The following CDH2 variants were observed in gnomAD, a reference collection of about 807,000 sequenced individuals.
CDH2 encodes the protein cadherin 2, also known as cadherin-2.
CDH2 carries 17 observed loss-of-function variants against 92.0 expected under a neutral mutation model. That is an observed-to-expected ratio of 0.18 (90% CI 0.13 to 0.28). The LOEUF is 0.28. Among genes scored for constraint, CDH2 ranks in the 10% least tolerant of loss-of-function variants. The pLI, the probability that CDH2 is intolerant of heterozygous loss-of-function variation, is 1.00. For missense variants in CDH2, 862 were observed against 1,133.1 expected, an observed-to-expected ratio of 0.76 and a Z score of 3.44; for synonymous variants, 419 against 415.9, an observed-to-expected ratio of 1.01 and a Z score of -0.09.
At chr18:28,098,718 A>C (rs958523007) in intron 2 of CDH2, among the ~76,000 whole-genome samples, 14 of 152,138 alleles carry the variant, frequency 9.2e-5, no homozygotes, top group Non-Finnish European at 2.9e-5. Context: ...CATGATATTA[A>C]GTAGGCTGCA....
At chr18:28,136,935 T>G (rs2015872904) in intron 2 of CDH2, among the ~76,000 whole-genome samples, 1 of 152,144 alleles carries the variant, frequency 6.6e-6, no homozygotes, top group Admixed American at 6.6e-5. Context: ...AGAATAACTC[T>G]TAAGAACTCT....
intron 1 of CDH2, among the ~76,000 whole-genome samples, chr18:28,173,832 T>C (rs2016498515): frequency 6.6e-6 from 1 of 152,194 alleles, no homozygotes; most frequent in African/African-American, 2.4e-5. Flanking sequence ...TTCTTAACAA[T>C]AAACCTATGT....
intron 2 of CDH2, among the ~76,000 whole-genome samples, chr18:28,030,765 T>C (rs2013674420): frequency 6.6e-6 from 1 of 151,978 alleles, no homozygotes. Flanking sequence ...ACAAAAATCT[T>C]ATTCATAGTG....
chr18:27,992,604 G>C (rs2012452296), intron 9 of CDH2, 51 bp downstream of exon 9: 3 of 1,454,950 alleles, frequency 2.1e-6, no homozygotes, highest in Non-Finnish European at 2.8e-6. Context: ...GACATATATT[G>C]GTCCTTGCTG....
Position 27,985,036 on chromosome 18 carries a change from T to C in CDH2, c.2173A>G (p.Ile725Val), listed in dbSNP as rs1439874798. ...IVGAGLGTGA[I>V]IAILLCIIIL... ...ATGATGCAGAGCAGGATGGCAATGA[T>C]GGCACCGGTGCCAAGCCCCGCACCC... Residue 725 changes from isoleucine (I) to valine (V), a missense_variant, in exon 13 of 16, where the codon ATC becomes GTC. Coordinates refer to ENST00000269141, the MANE Select transcript of CDH2 (RefSeq NM_001792.5). 2 of 1,613,992 alleles carry C rather than the reference T, an allele frequency of 1.2e-6. No individual in the cohort carries two copies. The highest frequency in any genetic ancestry group is 1.3e-5 in the African/African-American group (1 of 74,924).
At chr18:27,937,891 T>C (rs1160648637) in intron 6 of CDH2, among the ~76,000 whole-genome samples, 1 of 151,692 alleles carries the variant, frequency 6.6e-6, no homozygotes, top group Non-Finnish European at 1.5e-5. Flanking sequence ...CACCAAAATA[T>C]TTTTTTAACT....
chr18:28,011,496 A>C (rs2013097826), intron 4 of CDH2, among the ~76,000 whole-genome samples: 1 of 152,208 alleles, frequency 6.6e-6, no homozygotes, highest in Admixed American at 6.5e-5. Flanking sequence ...ATCATCACAG[A>C]GAGCCCAGCT....
chr18:28,169,143 T>C (rs1428478117), intron 1 of CDH2, among the ~76,000 whole-genome samples: 1 of 152,136 alleles, frequency 6.6e-6, no homozygotes, highest in Non-Finnish European at 1.5e-5. Context: ...AGACATTGGC[T>C]TGAAAAACTC....
At chr18:28,057,540 C>A (rs2014315637) in intron 2 of CDH2, among the ~76,000 whole-genome samples, 1 of 151,944 alleles carries the variant, frequency 6.6e-6, no homozygotes, top group African/African-American at 2.4e-5. Context: ...TGGTGGTGTG[C>A]ACCTGTAATC....
At chr18:28,128,640 C>T (rs2015716797) in intron 2 of CDH2, among the ~76,000 whole-genome samples, 4 of 151,162 alleles carry the variant, frequency 2.6e-5, no homozygotes. Flanking sequence ...CAGCCGTGAT[C>T]ATGCCATTGC....
chr18:28,173,346 C>T (rs934631439), intron 1 of CDH2, among the ~76,000 whole-genome samples: 1 of 152,090 alleles, frequency 6.6e-6, no homozygotes, highest in African/African-American at 2.4e-5. Context: ...AAGAAATATA[C>T]ATAACTGTGT....
intron 2 of CDH2, among the ~76,000 whole-genome samples, chr18:28,067,131 AGATT>A (rs1160656992): frequency 6.6e-6 from 1 of 152,202 alleles, no homozygotes; most frequent in Non-Finnish European, 1.5e-5. Context: ...ATGCTCATAT[AGATT>A]ATGAAATATA....
intron 2 of CDH2, among the ~76,000 whole-genome samples, chr18:28,116,039 A>G (rs1330339027): frequency 6.6e-6 from 1 of 152,126 alleles, no homozygotes; most frequent in Non-Finnish European, 1.5e-5. Context: ...AAATCTGGCA[A>G]TCTTTGGAGA....
chr18:28,006,515 T>C (rs2012923098), intron 5 of CDH2, among the ~76,000 whole-genome samples: 1 of 151,324 alleles, frequency 6.6e-6, no homozygotes, highest in Non-Finnish European at 1.5e-5. Context: ...GTCAGGAGTT[T>C]GAGACCAGCC....
intron 2 of CDH2, among the ~76,000 whole-genome samples, chr18:28,038,902 T>G (rs1018564329): frequency 6.6e-6 from 1 of 152,100 alleles, no homozygotes; most frequent in Non-Finnish European, 1.5e-5. Flanking sequence ...CTGGTGCAAA[T>G]TACTGTCATC....
intron 2 of CDH2, among the ~76,000 whole-genome samples, chr18:28,017,930 G>A (rs1437914642): frequency 6.6e-6 from 1 of 152,056 alleles, no homozygotes; most frequent in Non-Finnish European, 1.5e-5. Flanking sequence ...TCAGACAAGA[G>A]AAAGAAATAA....
chr18:27,952,404 A>G (rs758299208), intron 15 of CDH2, 45 bp from the exon 16 acceptor site: 1 of 1,493,734 alleles, frequency 6.7e-7, no homozygotes, highest in Non-Finnish European at 9.3e-7. Flanking sequence ...AGAGAGGGTT[A>G]CACTTTACAA....
chr18:28,059,835 T>A (rs528256963), intron 2 of CDH2, among the ~76,000 whole-genome samples: 1 of 152,362 alleles, frequency 6.6e-6, no homozygotes, highest in African/African-American at 2.4e-5. Flanking sequence ...ATGAGATTGG[T>A]TGATAGGTCT....
chr18:28,146,715 G>A (rs1025279621), intron 2 of CDH2: 1 of 152,022 alleles, frequency 6.6e-6, no homozygotes, highest in African/African-American at 2.4e-5. Context: ...AAGGTTTGTC[G>A]GTACTGTGGA....
Sources: allele counts gnomAD v4.1 joint callset (sites outside exome capture counted in the v4.1 genomes callset), GRCh38; gene constraint gnomAD v4.1.1; transcripts MANE v1.5; gene names NCBI Gene and HGNC (gene_info 2026-07-23, HGNC 2026-07-21).